DPH5: variants seen among roughly 807,000 people sequenced by gnomAD.
The protein encoded by DPH5 is diphthine methyl ester synthase.
A neutral mutation model predicts 31.6 loss-of-function variants in DPH5; 31 were observed. The ratio of observed to expected loss-of-function variants is 0.98; its 90% CI spans 0.74 to 1.32. The LOEUF is 1.32. Among genes scored for constraint, DPH5 ranks in the 40% most tolerant of loss-of-function variants. DPH5 has a pLI of 0.00. For synonymous variants in DPH5, 120 were observed against 115.0 expected (o/e 1.04, Z -0.28); for missense variants, 309 against 335.7 (o/e 0.92, Z 0.62).
rs1570718068 is a variant in DPH5, at chr1:101,025,320, T to G, written c.124A>C (p.Lys42Gln). 2 of 1,614,010 alleles carry G rather than the reference T, an allele frequency of 1.2e-6. No homozygotes were observed. The highest frequency in any genetic ancestry group is 2.7e-5 in the African/African-American group (2 of 74,928). Reference sequence around the variant, plus strand: ...CGCTCAGCACCTACCAAGGCTTCCTTCCCTACAGTTAGGACTGAGGTGTAG... The same window carrying G: ...CGCTCAGCACCTACCAAGGCTTCCTGCCCTACAGTTAGGACTGAGGTGTAG... Reference protein sequence around the residue: ...EAYTSVLTVGKEALEEFYGRK... With the variant: ...EAYTSVLTVGQEALEEFYGRK... The change falls in exon 2 of 8, where the codon AAG becomes CAG. Residue 42 changes from lysine (K) to glutamine (Q), a missense_variant. Coordinates refer to ENST00000370109, the MANE Select transcript of DPH5 (RefSeq NM_015958.3).
chr1:101,023,199 A>G (rs1018997150), intron 2 of DPH5: 3 of 152,142 alleles, frequency 2.0e-5, no homozygotes, highest in Non-Finnish European at 2.9e-5. Context: ...TCTCAAAATA[A>G]AAAAACATAA....
At chr1:101,000,560 T>C (rs534158551) in intron 5 of DPH5, among the ~76,000 whole-genome samples, 2 of 152,312 alleles carry the variant, frequency 1.3e-5, no homozygotes, top group South Asian at 2.1e-4. Flanking sequence ...TTGATAAATA[T>C]GAAGGCTAAG....
At chr1:101,013,918 C>T (rs1322166476) in intron 3 of DPH5, 100 bp from the exon 4 acceptor site, 6 of 868,172 alleles carry the variant, frequency 6.9e-6, no homozygotes, top group Non-Finnish European at 1.0e-5. Flanking sequence ...GGCAGGAGCA[C>T]TGCCTTTCTT....
Position 101,013,709 on chromosome 1 carries a change from C to A in DPH5, c.369+1G>T. ...CTGAAAAACCTCCTTTGTTGCATTACCTGTAAACCACAGCAGCCTACAGCA... is the reference window on the plus strand; with the variant it reads ...CTGAAAAACCTCCTTTGTTGCATTAACTGTAAACCACAGCAGCCTACAGCA... On this transcript the variant is annotated splice_donor_variant, in intron 4 of 7. Coordinates refer to ENST00000370109, the MANE Select transcript of DPH5 (RefSeq NM_015958.3). LOFTEE classifies it high-confidence loss of function. 6.3e-7 allele frequency: 1 copy of A among 1,575,564 alleles called. No homozygotes were observed. Among genetic ancestry groups the A allele is most frequent in the South Asian group, 1.2e-5 (1 of 85,532 alleles).
At chr1:100,997,478 G>T (rs1470207819) in intron 5 of DPH5, among the ~76,000 whole-genome samples, 2 of 151,982 alleles carry the variant, frequency 1.3e-5, no homozygotes, top group African/African-American at 4.8e-5. Context: ...CCATTCTCTT[G>T]TCTCAGCCTC....
At chr1:101,018,242 T>TC (rs1660214978) in intron 3 of DPH5, among the ~76,000 whole-genome samples, 1 of 151,362 alleles carries the variant, frequency 6.6e-6, no homozygotes, top group African/African-American at 2.4e-5. Flanking sequence ...AATTTGATTT[T>TC]TTTTTTTTTT....
At chr1:100,993,563 T>TATAC (rs1658014145) in intron 6 of DPH5, among the ~76,000 whole-genome samples, 1 of 65,190 alleles carries the variant, frequency 1.5e-5, no homozygotes, top group South Asian at 4.1e-4. Flanking sequence ...AATATAAATA[T>TATAC]ATATATATAT....
intron 2 of DPH5, chr1:101,024,888 CATTCCCT>C (rs1428278874): frequency 1.2e-5 from 2 of 163,094 alleles, no homozygotes; most frequent in African/African-American, 4.8e-5. Context: ...AGGCAATCGC[CATTCCCT>C]ATGGACACAC....
At chr1:101,009,689 T>A (rs1659493016) in intron 4 of DPH5, among the ~76,000 whole-genome samples, 1 of 152,208 alleles carries the variant, frequency 6.6e-6, no homozygotes, top group South Asian at 2.1e-4. Flanking sequence ...GCTTATGTTT[T>A]AAAAAATTTA....
intron 4 of DPH5, among the ~76,000 whole-genome samples, chr1:101,010,972 A>T (rs772796401): frequency 3.3e-5 from 5 of 152,212 alleles, no homozygotes; most frequent in Non-Finnish European, 7.4e-5. Context: ...TCCCAGATCT[A>T]CTATATCAGA....
intron 3 of DPH5, among the ~76,000 whole-genome samples, chr1:101,018,726 T>C (rs1660256509): frequency 6.6e-6 from 1 of 152,212 alleles, no homozygotes; most frequent in Admixed American, 6.5e-5. Flanking sequence ...AAAATGTCCA[T>C]GTCCACACCT....
In DPH5 at chr1:100,989,715, G is replaced by T. The variant is rs1657500042; in HGVS notation, c.*693C>A. 6.6e-6 allele frequency: 1 copy of T among 152,122 alleles called. No homozygotes were observed. The highest frequency in any genetic ancestry group is 2.4e-5 in the African/African-American group (1 of 41,412). The allele number at this position is 152,122 out of a possible 1,614,324, so 9.4% of individuals were successfully genotyped here. ...ACAGATTCAAGTGATTCAAATTCCA[G>T]TTACCTCTAAGTTATATTCTGTTAA... On this transcript the variant is annotated 3_prime_UTR_variant, in exon 8 of 8. Transcript: ENST00000370109.
In DPH5 at chr1:101,025,458, G is replaced by A; in HGVS notation, c.-15C>T. On this transcript the variant is annotated 5_prime_UTR_variant, in exon 2 of 8. Coordinates refer to ENST00000370109, the MANE Select transcript of DPH5 (RefSeq NM_015958.3). ...AGATAAAGCATTTCAAACTTGAGGA[G>A]AAGAGAGACTGCAAGACGAAGTGGA... 1 of 1,613,718 alleles carries A rather than the reference G, an allele frequency of 6.2e-7. No individual in the cohort carries two copies. The highest frequency in any genetic ancestry group is 8.5e-7 in the Non-Finnish European group (1 of 1,179,976).
Position 101,001,574 on chromosome 1 carries a change from C to A in DPH5, c.383G>T (p.Gly128Val), listed in dbSNP as rs1354941340. Reference protein sequence around the residue: ...GCCGLQLYKFGETVSIVFWTD... With the variant: ...GCCGLQLYKFVETVSIVFWTD... ...CCAAAAAACAATAGAAACTGTCTCTCCAAACTTATATAACTAGAAAAAAAA... is the reference window on the plus strand; with the variant it reads ...CCAAAAAACAATAGAAACTGTCTCTACAAACTTATATAACTAGAAAAAAAA... Residue 128 changes from glycine to valine, a missense_variant, in exon 5 of 8, where the codon GGA (glycine) becomes GTA (valine). Physicochemically the swap from Gly to Val is moderately radical, Grantham distance 109. Coordinates refer to ENST00000370109, the MANE Select transcript of DPH5 (RefSeq NM_015958.3). The A allele has an allele frequency of 6.3e-7, 1 of 1,587,144 alleles. No individual in the cohort carries two copies. The highest frequency in any genetic ancestry group is 8.6e-7 in the Non-Finnish European group (1 of 1,159,466).
Position 101,025,715 on chromosome 1 carries a change from T to C in DPH5, c.-56A>G. 2.5e-6 allele frequency: 1 copy of C among 407,196 alleles called. No homozygotes were observed. The allele number at this position is 407,196 out of a possible 1,614,324, so 25.2% of individuals were successfully genotyped here. Reference sequence around the variant, plus strand: ...GAGAATCGTAGGTAGTTCTCTGGCCTTTACAAATTCTTAACTACCACCTTT... The same window carrying C: ...GAGAATCGTAGGTAGTTCTCTGGCCCTTACAAATTCTTAACTACCACCTTT... On this transcript the variant is annotated 5_prime_UTR_variant, in exon 1 of 8. Transcript: ENST00000370109.
chr1:101,025,439 A>G lies in DPH5; in HGVS notation c.5T>C (p.Leu2Pro), dbSNP rs771853622. Residue 2 changes from leucine (L) to proline (P), a missense_variant, in exon 2 of 8, where the codon CTT becomes CCT. Leu to Pro is a moderately conservative substitution (Grantham distance 98, BLOSUM62 -3). Transcript: ENST00000370109. ...TCCCAGGCCCAACCCGATGAGATAA[A>G]GCATTTCAAACTTGAGGAGAAGAGA... M[L>P]YLIGLGLGDA... 10 of 1,614,152 alleles carry G rather than the reference A, an allele frequency of 6.2e-6. No homozygotes were observed. The highest frequency in any genetic ancestry group is 8.5e-6 in the Non-Finnish European group (10 of 1,180,020).
At chr1:101,008,665 G>T (rs1468769897) in intron 4 of DPH5, among the ~76,000 whole-genome samples, 1 of 152,206 alleles carries the variant, frequency 6.6e-6, no homozygotes, top group Non-Finnish European at 1.5e-5. Flanking sequence ...ATGTGTGTGT[G>T]TGTTACTGCA....
chr1:101,005,070 C>A (rs1372535889), intron 4 of DPH5, among the ~76,000 whole-genome samples: 1 of 152,170 alleles, frequency 6.6e-6, no homozygotes, highest in Non-Finnish European at 1.5e-5. Context: ...GCCTGAATAA[C>A]CTTAACAGTC....
chr1:101,014,744 G>C (rs999530936), intron 3 of DPH5, among the ~76,000 whole-genome samples: 1 of 152,100 alleles, frequency 6.6e-6, no homozygotes, highest in Non-Finnish European at 1.5e-5. Context: ...TTCAAAACTG[G>C]AGCCAATCTT....
Sources: gnomAD v4.1 joint callset for allele counts (sites outside exome capture counted in the v4.1 genomes callset) on GRCh38, gnomAD v4.1.1 for gene constraint, MANE v1.5 for transcripts, NCBI Gene and HGNC (gene_info 2026-07-23, HGNC 2026-07-21) for gene names.